The following INPP4B variants were observed in gnomAD, a reference collection of about 807,000 sequenced individuals.
INPP4B encodes the protein inositol polyphosphate-4-phosphatase type II B, also known as inositol polyphosphate 4-phosphatase type II.
INPP4B carries 55 observed loss-of-function variants against 122.5 expected under a neutral mutation model. The observed-to-expected ratio is 0.45, with a 90% CI of 0.36 to 0.56. The LOEUF is 0.56. Among genes scored for constraint, INPP4B ranks in the 20% least tolerant of loss-of-function variants. INPP4B has a pLI of 0.00. For synonymous variants in INPP4B, 403 were observed against 388.7 expected (o/e 1.04, Z -0.43); for missense variants, 1,000 against 1,097.7 (o/e 0.91, Z 1.26).
At chr4:142,176,914 C>T (rs7679899) in intron 15 of INPP4B, among the ~76,000 whole-genome samples, 1 of 152,186 alleles carries the variant, frequency 6.6e-6, no homozygotes, top group East Asian at 1.9e-4. Context: ...TTTTACAAGG[C>T]TAATTTTACA....
At chr4:142,662,644 C>A (rs1009303813) in intron 2 of INPP4B, among the ~76,000 whole-genome samples, 2 of 152,144 alleles carry the variant, frequency 1.3e-5, no homozygotes, top group African/African-American at 4.8e-5. Context: ...AACTCAGAGG[C>A]ACCAGAGTAT....
At chr4:142,590,663 C>T (rs549545633) in intron 2 of INPP4B, among the ~76,000 whole-genome samples, 1 of 151,540 alleles carries the variant, frequency 6.6e-6, no homozygotes, top group Non-Finnish European at 1.5e-5. Context: ...TAGGTATAAA[C>T]TAATATTTAG....
intron 25 of INPP4B, among the ~76,000 whole-genome samples, chr4:142,046,096 A>C (rs777120418): frequency 1.3e-5 from 2 of 151,972 alleles, no homozygotes; most frequent in Non-Finnish European, 2.9e-5. Context: ...CCAATATTCT[A>C]CAAAACAAAC....
chr4:142,039,338 C>G (rs1272194416), intron 25 of INPP4B, among the ~76,000 whole-genome samples: 1 of 152,166 alleles, frequency 6.6e-6, no homozygotes, highest in African/African-American at 2.4e-5. Flanking sequence ...AACAAAACTA[C>G]ATGAATATAT....
At chr4:142,190,050 TA>T (rs1275162559) in intron 15 of INPP4B, among the ~76,000 whole-genome samples, 3 of 152,194 alleles carry the variant, frequency 2.0e-5, no homozygotes, top group Non-Finnish European at 4.4e-5. Context: ...TCAAGGGACA[TA>T]AATTATATCT....
intron 1 of INPP4B, among the ~76,000 whole-genome samples, chr4:142,786,505 G>T (rs1199502027): frequency 6.6e-6 from 1 of 152,052 alleles, no homozygotes; most frequent in African/African-American, 2.4e-5. Flanking sequence ...CTACCCTAAA[G>T]GAGGTGGAAC....
At chr4:142,451,149 A>C (rs1376423212) in intron 3 of INPP4B, among the ~76,000 whole-genome samples, 1 of 151,916 alleles carries the variant, frequency 6.6e-6, no homozygotes, top group African/African-American at 2.4e-5. Flanking sequence ...TTCTTGATGC[A>C]AATATACTTT....
chr4:142,275,308 C>T (rs1050412724), intron 9 of INPP4B, among the ~76,000 whole-genome samples: 3 of 151,772 alleles, frequency 2.0e-5, no homozygotes, highest in Non-Finnish European at 4.4e-5. Flanking sequence ...AATAACTTCT[C>T]GATTTTGGAA....
At chr4:142,543,292 G>T (rs1312004014) in intron 2 of INPP4B, among the ~76,000 whole-genome samples, 1 of 152,054 alleles carries the variant, frequency 6.6e-6, no homozygotes, top group Non-Finnish European at 1.5e-5. Flanking sequence ...TCTAACTGAG[G>T]TTTAACTGTC....
chr4:142,331,530 G>A (rs1009268910), intron 7 of INPP4B, among the ~76,000 whole-genome samples: 1 of 152,142 alleles, frequency 6.6e-6, no homozygotes, highest in African/African-American at 2.4e-5. Context: ...CCTCTCACAT[G>A]CCAGATGATA....
intron 7 of INPP4B, among the ~76,000 whole-genome samples, chr4:142,362,075 G>GGA (rs1053678582): frequency 1.3e-5 from 2 of 151,850 alleles, no homozygotes; most frequent in African/African-American, 2.4e-5. Context: ...GAAGTTTAGA[G>GGA]GAGAGAGAGA....
intron 2 of INPP4B, among the ~76,000 whole-genome samples, chr4:142,671,297 A>T (rs1280857609): frequency 1.3e-5 from 2 of 152,152 alleles, no homozygotes; most frequent in African/African-American, 4.8e-5. Context: ...CCCTGAATGG[A>T]TTACAGAATT....
intron 2 of INPP4B, among the ~76,000 whole-genome samples, chr4:142,552,349 G>A (rs1455980265): frequency 6.6e-6 from 1 of 151,802 alleles, no homozygotes; most frequent in Admixed American, 6.6e-5. Flanking sequence ...TGCTAATCTG[G>A]GATCCTCATA....
At chr4:142,453,739 C>T (rs977745475) in intron 3 of INPP4B, among the ~76,000 whole-genome samples, 8 of 152,156 alleles carry the variant, frequency 5.3e-5, no homozygotes, top group African/African-American at 1.9e-4. Flanking sequence ...CACAATCACG[C>T]AGTCTACCTT....
At chr4:142,414,892 A>G (rs185239787) in intron 5 of INPP4B, among the ~76,000 whole-genome samples, 16 of 152,310 alleles carry the variant, frequency 1.1e-4, no homozygotes, top group Admixed American at 7.8e-4. Flanking sequence ...TGCTCTTTTC[A>G]GTGGGAACAT....
At chr4:142,620,515 G>T (rs902598491) in intron 2 of INPP4B, among the ~76,000 whole-genome samples, 1 of 151,878 alleles carries the variant, frequency 6.6e-6, no homozygotes, top group Non-Finnish European at 1.5e-5. Flanking sequence ...GGATGGAGTG[G>T]GGGAGGAGAG....
At chr4:142,208,385 TAAC>T (rs1487727784) in intron 14 of INPP4B, 37 bp downstream of exon 14, 5 of 1,069,888 alleles carry the variant, frequency 4.7e-6, no homozygotes, top group Non-Finnish European at 7.0e-6. Context: ...GTACACACTG[TAAC>T]ATAATTTGCT....
At chr4:142,543,312 T>G (rs1403066508) in intron 2 of INPP4B, among the ~76,000 whole-genome samples, 2 of 152,176 alleles carry the variant, frequency 1.3e-5, no homozygotes, top group Non-Finnish European at 2.9e-5. Context: ...CCTGTTACCA[T>G]TCTACTTCTT....
At chr4:142,631,361 T>G (rs1747912816) in intron 2 of INPP4B, among the ~76,000 whole-genome samples, 1 of 152,034 alleles carries the variant, frequency 6.6e-6, no homozygotes, top group Admixed American at 6.6e-5. Context: ...TTGGTAACCC[T>G]GAAAATGATT....
Sources: gnomAD v4.1 joint callset for allele counts (sites outside exome capture counted in the v4.1 genomes callset) on GRCh38, gnomAD v4.1.1 for gene constraint, MANE v1.5 for transcripts, NCBI Gene and HGNC (gene_info 2026-07-23, HGNC 2026-07-21) for gene names.